NUAK1: variants seen among roughly 807,000 people sequenced by gnomAD.
NUAK1 encodes NUAK family kinase 1, also known as NUAK family SNF1-like kinase 1.
NUAK1 carries 26 observed loss-of-function variants against 56.9 expected under a neutral mutation model. That is an observed-to-expected ratio of 0.46 (90% CI 0.33 to 0.63). The LOEUF is 0.63. Ranked by LOEUF, NUAK1 falls within the 30% of genes least tolerant of loss-of-function variation. The probability of loss-of-function intolerance (pLI) is 0.02; values close to 1 mark genes in which losing one functional copy is unlikely to be tolerated. For synonymous variants in NUAK1, 337 were observed against 336.0 expected (o/e 1.00, Z -0.03); for missense variants, 727 against 876.1 (o/e 0.83, Z 2.15).
intron 1 of NUAK1, among the ~76,000 whole-genome samples, chr12:106,121,238 A>G (rs1406313468): frequency 6.6e-6 from 1 of 152,204 alleles, no homozygotes; most frequent in Admixed American, 6.5e-5. Context: ...AGTGAGGACG[A>G]TCATCACTCC....
chr12:106,080,990 G>A (rs2032512396), intron 4 of NUAK1, among the ~76,000 whole-genome samples: 1 of 152,234 alleles, frequency 6.6e-6, no homozygotes, highest in Non-Finnish European at 1.5e-5. Context: ...AGGAAGAGTT[G>A]AGAATATACC....
Position 106,067,073 on chromosome 12 carries a change from A to G in NUAK1, c.1715T>C (p.Ile572Thr), listed in dbSNP as rs200755374. Residue 572 changes from isoleucine (I) to threonine (T), a missense_variant, in exon 7 of 7, where the codon ATC (isoleucine) becomes ACC (threonine). Coordinates refer to ENST00000261402, the MANE Select transcript of NUAK1 (RefSeq NM_014840.3). The surrounding 1 kb of genome is among the most constrained non-coding windows in gnomAD (Gnocchi z 6.0). ...GCTGGACAGCACGCTGTCATCGCTG[A>G]TGACACTGGAAGGGCGGCTGTAGCT... ...SRSYSRPSSV[I>T]SDDSVLSSDS... 3 of 1,614,126 alleles carry G rather than the reference A, an allele frequency of 1.9e-6. No individual in the cohort carries two copies. In the Admixed American group the frequency reaches 5.0e-5, roughly 27 times the overall value.
chr12:106,104,561 G>A (rs2032782374), intron 2 of NUAK1, among the ~76,000 whole-genome samples: 1 of 152,192 alleles, frequency 6.6e-6, no homozygotes, highest in Non-Finnish European at 1.5e-5. Context: ...AGATTCAGCA[G>A]GTCCTGGGTG....
intron 2 of NUAK1, among the ~76,000 whole-genome samples, chr12:106,093,718 T>C (rs2032660730): frequency 6.6e-6 from 1 of 152,228 alleles, no homozygotes; most frequent in African/African-American, 2.4e-5. Flanking sequence ...ATTTACAGGA[T>C]GCCCCAGGAA....
At chr12:106,084,006 G>T in intron 3 of NUAK1, 77 bp from the exon 4 acceptor site, 1 of 1,218,944 alleles carries the variant, frequency 8.2e-7, no homozygotes, top group Non-Finnish European at 1.2e-6. Context: ...AAGGAGGAGG[G>T]TGAGCAAAGG....
At chr12:106,068,039 A>T in intron 6 of NUAK1, 84 bp from the exon 7 acceptor site, 1 of 1,304,954 alleles carries the variant, frequency 7.7e-7, no homozygotes, top group Non-Finnish European at 1.0e-6. Flanking sequence ...GAGTGACGAA[A>T]GACACACACT....
At position 106,127,647 on chromosome 12, in the gene NUAK1, C is replaced by T. The variant is rs140706153; in HGVS notation, c.240+10767G>A. ...AGTCTACACAGGGAGACTCTCCGTA[C>T]ACTTGCAAAGTGTGTATGAGAATTG... On this transcript the variant is annotated intron_variant, in intron 1 of 6. Coordinates refer to ENST00000261402, the MANE Select transcript of NUAK1 (RefSeq NM_014840.3). 2.6e-5 allele frequency among the ~76,000 whole-genome samples: 4 copies of T among 152,338 alleles called. No individual in the cohort carries two copies. The East Asian group carries it at 7.7e-4, about 29-fold the overall frequency.
At chr12:106,096,404 C>T (rs2032697655) in intron 2 of NUAK1, among the ~76,000 whole-genome samples, 1 of 152,124 alleles carries the variant, frequency 6.6e-6, no homozygotes, top group African/African-American at 2.4e-5. Flanking sequence ...AGAAACGTGG[C>T]TGGACAGGCT....
intron 1 of NUAK1, among the ~76,000 whole-genome samples, chr12:106,128,613 C>T (rs1484816790): frequency 2.0e-5 from 3 of 152,162 alleles, no homozygotes; most frequent in South Asian, 2.1e-4. Context: ...CTTTGTGGCC[C>T]GTGAGCCTGA....
chr12:106,071,204 C>T (rs1592847799), intron 5 of NUAK1, among the ~76,000 whole-genome samples: 1 of 152,270 alleles, frequency 6.6e-6, no homozygotes, highest in Non-Finnish European at 1.5e-5. Flanking sequence ...CAGTTAGAGC[C>T]AGGACTATTT....
chr12:106,075,306 C>CAA (rs2032449915), intron 4 of NUAK1, among the ~76,000 whole-genome samples: 1 of 150,704 alleles, frequency 6.6e-6, no homozygotes, highest in Non-Finnish European at 1.5e-5. Flanking sequence ...CACACACACA[C>CAA]ACACACACAC....
In NUAK1 at chr12:106,066,688, C is replaced by G; in HGVS notation, c.*114G>C. ...CAAACTTGGCCAAGTGAGACAGTGC[C>G]AATCCTTTTTCAGTCTGTTGTCACA... On this transcript the variant is annotated 3_prime_UTR_variant, in exon 7 of 7. Coordinates refer to ENST00000261402, the MANE Select transcript of NUAK1 (RefSeq NM_014840.3). 1 of 931,394 alleles carries G rather than the reference C, an allele frequency of 1.1e-6. No homozygotes were observed. The highest frequency in any genetic ancestry group is 1.6e-6 in the Non-Finnish European group (1 of 611,096). The allele number at this position is 931,394 out of a possible 1,614,324, so 57.7% of individuals were successfully genotyped here.
chr12:106,082,286 C>A (rs1406469126), intron 4 of NUAK1, among the ~76,000 whole-genome samples: 1 of 152,228 alleles, frequency 6.6e-6, no homozygotes, highest in African/African-American at 2.4e-5. Context: ...AAGAAACTTA[C>A]CCCAAATCCT....
At chr12:106,129,819 G>T (rs1385597162) in intron 1 of NUAK1, among the ~76,000 whole-genome samples, 1 of 152,140 alleles carries the variant, frequency 6.6e-6, no homozygotes, top group Non-Finnish European at 1.5e-5. Context: ...TTTGCACTTG[G>T]TAGGATACTT....
At chr12:106,134,502 C>T (rs1002262574) in intron 1 of NUAK1, among the ~76,000 whole-genome samples, 5 of 152,350 alleles carry the variant, frequency 3.3e-5, no homozygotes, top group Admixed American at 3.3e-4. Context: ...CCCACCAGTC[C>T]TGCCACTCCC....
chr12:106,130,010 C>CT (rs2033060851), intron 1 of NUAK1, among the ~76,000 whole-genome samples: 2 of 151,960 alleles, frequency 1.3e-5, no homozygotes, highest in Non-Finnish European at 2.9e-5. Flanking sequence ...GAGACGGAGT[C>CT]TGCCTCCGTC....
At chr12:106,121,986 A>C (rs2032982444) in intron 1 of NUAK1, among the ~76,000 whole-genome samples, 1 of 152,032 alleles carries the variant, frequency 6.6e-6, no homozygotes, top group African/African-American at 2.4e-5. Context: ...CTAGAAGAAA[A>C]CCTATCTTGT....
intron 2 of NUAK1, among the ~76,000 whole-genome samples, chr12:106,097,810 C>T (rs1259059332): frequency 2.6e-5 from 4 of 152,120 alleles, no homozygotes; most frequent in African/African-American, 9.7e-5. Context: ...TGTAACCCAC[C>T]CCCAGAGTTT....
chr12:106,121,815 A>G (rs371847505), intron 1 of NUAK1, among the ~76,000 whole-genome samples: 90 of 152,236 alleles, frequency 5.9e-4, no homozygotes, highest in African/African-American at 2.0e-3. Context: ...AGGTATGAAC[A>G]AGAGTGCTGA....
Sources: allele counts gnomAD v4.1 joint callset (sites outside exome capture counted in the v4.1 genomes callset), GRCh38; gene constraint gnomAD v4.1.1; non-coding constraint Gnocchi (gnomAD v3.1); transcripts MANE v1.5; gene names NCBI Gene and HGNC (gene_info 2026-07-23, HGNC 2026-07-21).